The following TTC28 variants were observed in gnomAD, a reference collection of about 807,000 sequenced individuals.
The protein encoded by TTC28 is tetratricopeptide repeat domain 28.
In TTC28, 61 loss-of-function variants were observed where a neutral mutation model predicts 198.0. The observed-to-expected ratio is 0.31, with a 90% CI of 0.25 to 0.38. The LOEUF (loss-of-function observed/expected upper bound fraction) is 0.38. TTC28 is among the 10% of genes least tolerant of loss of function. The pLI is 1.00. For missense variants in TTC28, 2,678 were observed against 3,164.0 expected (o/e 0.85, Z 3.69); for synonymous variants, 1,171 against 1,297.8 (o/e 0.90, Z 2.10).
intron 2 of TTC28, among the ~76,000 whole-genome samples, chr22:28,595,221 TA>T (rs1478237739): frequency 6.6e-6 from 1 of 152,212 alleles, no homozygotes; most frequent in Admixed American, 6.5e-5. Flanking sequence ...ATTAAATGAT[TA>T]ATCTTTACAA....
At chr22:28,516,399 A>T (rs1018898825) in intron 2 of TTC28, among the ~76,000 whole-genome samples, 1 of 152,150 alleles carries the variant, frequency 6.6e-6, no homozygotes, top group Non-Finnish European at 1.5e-5. Context: ...ACGCTTTAGG[A>T]TAATATAATG....
At chr22:28,419,813 T>C (rs2047221012) in intron 2 of TTC28, among the ~76,000 whole-genome samples, 2 of 152,168 alleles carry the variant, frequency 1.3e-5, no homozygotes, top group Non-Finnish European at 2.9e-5. Flanking sequence ...GTAACATAAA[T>C]AGCTAGATAC....
chr22:28,550,188 G>GC (rs2049636884), intron 2 of TTC28, among the ~76,000 whole-genome samples: 1 of 152,092 alleles, frequency 6.6e-6, no homozygotes, highest in African/African-American at 2.4e-5. Flanking sequence ...TTGACATTTT[G>GC]CAGAAGTAGA....
In TTC28 at chr22:28,107,168, A is replaced by C; in HGVS notation, c.2677T>G (p.Tyr893Asp). The C allele has an allele frequency of 1.3e-6, 2 of 1,551,702 alleles. No individual in the cohort carries two copies. Among genetic ancestry groups the C allele is most frequent in the Non-Finnish European group, 1.7e-6 (2 of 1,146,998 alleles). ...TCATAGTATTTGATAGCTTCCTCAT[A>C]GTCACCCAGGGCTTCGTAGCAATCC... ...LGDCYEALGD[Y>D]EEAIKYYEQY... The change falls in exon 7 of 23, where the codon TAT (tyrosine) becomes GAT (aspartate). Residue 893 changes from tyrosine to aspartate, a missense_variant. Coordinates refer to ENST00000397906, the MANE Select transcript of TTC28 (RefSeq NM_001145418.2).
chr22:28,267,740 GAAGT>G (rs1396315899), intron 5 of TTC28, among the ~76,000 whole-genome samples: 2 of 152,164 alleles, frequency 1.3e-5, no homozygotes, highest in East Asian at 3.9e-4. Context: ...TACCTAATCA[GAAGT>G]AAGCACTCCC....
chr22:28,058,732 C>T (rs181063497), intron 12 of TTC28, among the ~76,000 whole-genome samples: 9 of 151,876 alleles, frequency 5.9e-5, no homozygotes, highest in African/African-American at 1.9e-4. Context: ...TTAGTGAAAT[C>T]ATCTAAACTT....
At chr22:28,609,874 C>T (rs144127647) in intron 2 of TTC28, among the ~76,000 whole-genome samples, 2,627 of 152,194 alleles carry the variant, frequency 0.017, 43 homozygotes, top group Non-Finnish European at 0.023. Context: ...AGTCTGAGGT[C>T]GACCTGGGAC....
intron 2 of TTC28, among the ~76,000 whole-genome samples, chr22:28,517,930 TTTTTA>T (rs1193891204): frequency 2.6e-5 from 4 of 152,104 alleles, no homozygotes; most frequent in African/African-American, 4.8e-5. Flanking sequence ...ATTTTTAAAA[TTTTTA>T]TTTTATTTAT....
intron 2 of TTC28, among the ~76,000 whole-genome samples, chr22:28,449,347 G>A (rs2047745463): frequency 6.6e-6 from 1 of 152,238 alleles, no homozygotes. Context: ...AAGCCAAGCT[G>A]TAATGACCTG....
chr22:28,482,189 G>C (rs2048256240), intron 2 of TTC28, among the ~76,000 whole-genome samples: 1 of 141,590 alleles, frequency 7.1e-6, no homozygotes, highest in Non-Finnish European at 1.5e-5. Context: ...TTAGCTAGTA[G>C]AGATAGTAAT....
chr22:28,431,976 T>TTAAAA (rs552214920), intron 2 of TTC28, among the ~76,000 whole-genome samples: 2,743 of 149,732 alleles, frequency 0.018, 68 homozygotes, highest in Middle Eastern at 0.059. Context: ...AGACTCTGTC[T>TTAAAA]TAAAATAAAA....
chr22:28,113,689 C>T (rs935040006), intron 6 of TTC28, among the ~76,000 whole-genome samples: 1 of 152,150 alleles, frequency 6.6e-6, no homozygotes, highest in African/African-American at 2.4e-5. Flanking sequence ...CATGAAACAA[C>T]GTGGTGTCCA....
chr22:28,344,085 G>A (rs769105779), intron 2 of TTC28, among the ~76,000 whole-genome samples: 2 of 151,202 alleles, frequency 1.3e-5, no homozygotes, highest in Non-Finnish European at 2.9e-5. Flanking sequence ...CTATGCCTGT[G>A]AAACAATGTA....
intron 2 of TTC28, among the ~76,000 whole-genome samples, chr22:28,571,770 G>A (rs2050063506): frequency 6.6e-6 from 1 of 151,748 alleles, no homozygotes; most frequent in African/African-American, 2.4e-5. Context: ...CAAACATGGT[G>A]AAACCCCATC....
intron 2 of TTC28, among the ~76,000 whole-genome samples, chr22:28,588,452 G>A (rs1481457529): frequency 6.6e-6 from 1 of 152,144 alleles, no homozygotes; most frequent in Non-Finnish European, 1.5e-5. Context: ...GAGGGCTGAG[G>A]TTGCAGGAGA....
At chr22:28,131,813 G>A (rs1360153961) in intron 6 of TTC28, among the ~76,000 whole-genome samples, 1 of 152,044 alleles carries the variant, frequency 6.6e-6, no homozygotes, top group Non-Finnish European at 1.5e-5. Flanking sequence ...CACAGCTCCT[G>A]GAATGGAATC....
Position 27,981,323 on chromosome 22 carries a change from AT to A in TTC28, c.*897del, listed in dbSNP as rs1273175032. On this transcript the variant is annotated 3_prime_UTR_variant, in exon 23 of 23. Coordinates refer to ENST00000397906, the MANE Select transcript of TTC28 (RefSeq NM_001145418.2). ...TTCCTTCCAAACTTGATAATTACTTATTGATGACTATTCAAAATTTGACATT... is the reference window on the plus strand; with the variant it reads ...TTCCTTCCAAACTTGATAATTACTTATGATGACTATTCAAAATTTGACATT... 1 of 125,702 alleles carries A rather than the reference AT, an allele frequency of 8.0e-6. No homozygotes were observed. Among genetic ancestry groups the A allele is most frequent in the African/African-American group, 3.1e-5 (1 of 32,522 alleles). 7.8% of individuals were successfully genotyped at this position (125,702 alleles called of 1,614,324 possible). A position where few individuals can be genotyped will look rare whatever the true frequency, so the allele number is the denominator to read the frequency against.
At chr22:28,333,935 T>C (rs1271705626) in intron 2 of TTC28, among the ~76,000 whole-genome samples, 1 of 152,132 alleles carries the variant, frequency 6.6e-6, no homozygotes, top group Non-Finnish European at 1.5e-5. Flanking sequence ...TGTGCCATGC[T>C]GGTGTGCTGT....
At chr22:28,257,739 C>CATATACAT (rs1555952253) in intron 5 of TTC28, among the ~76,000 whole-genome samples, 6 of 96,602 alleles carry the variant, frequency 6.2e-5, no homozygotes, top group African/African-American at 2.8e-4. Flanking sequence ...GGTAATAGAA[C>CATATACAT]ATATATATAT....
Sources: gnomAD v4.1 joint callset for allele counts (sites outside exome capture counted in the v4.1 genomes callset) on GRCh38, gnomAD v4.1.1 for gene constraint, MANE v1.5 for transcripts, NCBI Gene and HGNC (gene_info 2026-07-23, HGNC 2026-07-21) for gene names.